TNS3: variants seen among roughly 807,000 people sequenced by gnomAD.
TNS3 encodes tensin 3.
TNS3 carries 45 observed loss-of-function variants against 140.9 expected under a neutral mutation model. The ratio of observed to expected loss-of-function variants is 0.32; its 90% CI spans 0.25 to 0.41. TNS3 has a LOEUF of 0.41. Ranked by LOEUF, TNS3 falls within the 10% of genes least tolerant of loss-of-function variation. The probability of loss-of-function intolerance (pLI) is 1.00; values close to 1 mark genes in which losing one functional copy is unlikely to be tolerated. For synonymous variants in TNS3, 815 were observed against 788.4 expected, an observed-to-expected ratio of 1.03 and a Z score of -0.56; for missense variants, 1,716 against 1,906.7, an observed-to-expected ratio of 0.90 and a Z score of 1.86.
intron 16 of TNS3, among the ~76,000 whole-genome samples, chr7:47,380,697 T>A (rs1428453858): frequency 1.3e-5 from 2 of 151,974 alleles, no homozygotes; most frequent in African/African-American, 4.8e-5. Context: ...TTTGTAGCAT[T>A]ACAGAAGCCA....
rs1398021494 is a variant in TNS3, at chr7:47,506,960, A to AT, written c.-152-17_-152-16insA. On this transcript the variant is annotated splice_polypyrimidine_tract_variant and intron_variant, in intron 2 of 30. Transcript: ENST00000311160. ...TACTTGCAGGCTGGGAAAAAAAAAA[A>AT]GAGAAAGAATGTGTGTCAAGCAGTC... 1.6e-6 allele frequency: 2 copies of AT among 1,286,098 alleles called. No homozygotes were observed. The highest frequency in any genetic ancestry group is 5.6e-5 in the East Asian group (1 of 17,998). 79.7% of individuals were successfully genotyped at this position (1,286,098 alleles called of 1,614,324 possible).
intron 16 of TNS3, among the ~76,000 whole-genome samples, chr7:47,375,856 T>C (rs981213072): frequency 1.3e-5 from 2 of 152,226 alleles, no homozygotes; most frequent in African/African-American, 4.8e-5. Context: ...CCACTGGCCC[T>C]GCTTCCAACA....
At chr7:47,340,228 T>C (rs1210413667) in intron 20 of TNS3, among the ~76,000 whole-genome samples, 1 of 146,108 alleles carries the variant, frequency 6.8e-6, no homozygotes, top group Non-Finnish European at 1.5e-5. Flanking sequence ...GTTCAAGTGA[T>C]TCTCCTGCCT....
At chr7:47,292,361 G>T (rs1289877745) in intron 26 of TNS3, among the ~76,000 whole-genome samples, 2 of 152,124 alleles carry the variant, frequency 1.3e-5, no homozygotes, top group Admixed American at 1.3e-4. Context: ...TAGGAAAGTG[G>T]GACATACGGT....
chr7:47,399,987 CAAAT>C (rs1347270296), intron 15 of TNS3, among the ~76,000 whole-genome samples: 2 of 146,464 alleles, frequency 1.4e-5, no homozygotes, highest in African/African-American at 5.0e-5. Context: ...AAAAAAAAAA[CAAAT>C]AATCCCATCA....
At chr7:47,412,172 G>C (rs1793810693) in intron 12 of TNS3, among the ~76,000 whole-genome samples, 1 of 152,220 alleles carries the variant, frequency 6.6e-6, no homozygotes, top group Non-Finnish European at 1.5e-5. Flanking sequence ...AGAGGGCCCA[G>C]AGCAAACCCA....
At position 47,435,609 on chromosome 7, in the gene TNS3, C is replaced by T. The variant is rs566199260; in HGVS notation, c.202-205G>A. Among the ~76,000 whole-genome samples, 4 of 152,294 alleles carry T rather than the reference C, an allele frequency of 2.6e-5. No homozygotes were observed. In the South Asian group the frequency reaches 6.2e-4, roughly 24 times the overall value. On this transcript the variant is annotated intron_variant, in intron 7 of 30. Transcript: ENST00000311160. The stretch of plus-strand genomic sequence containing the variant: ...AAGCATTATACTGCCCATGTGATGC[C>T]TCTTCTTCCAGGGGCTCATCTGCTC...
intron 16 of TNS3, among the ~76,000 whole-genome samples, chr7:47,386,671 C>T (rs1584535680): frequency 6.6e-6 from 1 of 152,238 alleles, no homozygotes; most frequent in African/African-American, 2.4e-5. Flanking sequence ...GCCTGGCATG[C>T]GTCCCCATCC....
chr7:47,448,476 ATTTT>A (rs71003401), intron 4 of TNS3, among the ~76,000 whole-genome samples: 29,683 of 129,480 alleles, frequency 0.23, 3,237 homozygotes, highest in East Asian at 0.31. Flanking sequence ...TGGGAATTCG[ATTTT>A]TTTTTTTTTT....
intron 4 of TNS3, among the ~76,000 whole-genome samples, chr7:47,471,691 T>C (rs946363768): frequency 6.6e-6 from 1 of 152,328 alleles, no homozygotes; most frequent in South Asian, 2.1e-4. Context: ...CTGAGCAGAA[T>C]GCGGCAGTTT....
chr7:47,472,333 G>C (rs1404699250), intron 4 of TNS3, among the ~76,000 whole-genome samples: 2 of 152,184 alleles, frequency 1.3e-5, no homozygotes, highest in African/African-American at 2.4e-5. Context: ...CCGTGAGAAG[G>C]AGGGAGGCCC....
chr7:47,429,679 C>T (rs554650478), intron 8 of TNS3, among the ~76,000 whole-genome samples: 2 of 152,310 alleles, frequency 1.3e-5, no homozygotes, highest in South Asian at 4.2e-4. Context: ...CCGGCCTAAT[C>T]TGGCTGTTTT....
intron 9 of TNS3, 121 bp downstream of exon 9, chr7:47,428,191 T>C (rs1172645818): frequency 3.2e-6 from 2 of 620,186 alleles, no homozygotes; most frequent in Non-Finnish European, 4.9e-6. Context: ...CACTGGGGAA[T>C]GGGAAACACA....
Position 47,573,844 on chromosome 7 carries a change from A to G in TNS3, c.-265+8207T>C, listed in dbSNP as rs139490768. On this transcript the variant is annotated intron_variant, in intron 1 of 30. Transcript: ENST00000311160. ...AAAAGATGCCAGTAATTCTGGTTCAACATGTTCCAAGGAGGGGAAAACGAC... is the reference window on the plus strand; with the variant it reads ...AAAAGATGCCAGTAATTCTGGTTCAGCATGTTCCAAGGAGGGGAAAACGAC... 8.9e-4 allele frequency among the ~76,000 whole-genome samples: 135 copies of G among 152,346 alleles called. 2 individuals carry two copies. The East Asian group carries it at 0.023, about 26-fold the overall frequency.
chr7:47,428,482 T>A, intron 8 of TNS3, 106 bp from the exon 9 acceptor site: 1 of 835,034 alleles, frequency 1.2e-6, no homozygotes, highest in Non-Finnish European at 1.7e-6. Context: ...AGAGCCTGCT[T>A]TGGTGGTAAG....
intron 4 of TNS3, among the ~76,000 whole-genome samples, chr7:47,465,473 C>T (rs981456392): frequency 1.3e-5 from 2 of 152,282 alleles, no homozygotes; most frequent in African/African-American, 4.8e-5. Flanking sequence ...AGTAGAGACA[C>T]GCGGATCAGA....
chr7:47,522,882 C>G (rs1224461718), intron 2 of TNS3, among the ~76,000 whole-genome samples: 2 of 149,962 alleles, frequency 1.3e-5, no homozygotes, highest in African/African-American at 4.9e-5. Context: ...GAGCTGAGAT[C>G]GCGCCAATGC....
chr7:47,542,871 A>C (rs1421839101), intron 1 of TNS3, among the ~76,000 whole-genome samples: 5 of 149,442 alleles, frequency 3.3e-5, no homozygotes, highest in African/African-American at 1.2e-4. Context: ...CAGAGGTTGC[A>C]GTGAGCCGAG....
intron 6 of TNS3, among the ~76,000 whole-genome samples, chr7:47,437,787 T>C (rs62446322): frequency 9.0e-6 from 1 of 110,746 alleles, no homozygotes; most frequent in Non-Finnish European, 2.1e-5. Context: ...CACACACACG[T>C]ATAAAATATA....
Sources: allele counts gnomAD v4.1 joint callset (sites outside exome capture counted in the v4.1 genomes callset), GRCh38; gene constraint gnomAD v4.1.1; transcripts MANE v1.5; gene names NCBI Gene and HGNC (gene_info 2026-07-23, HGNC 2026-07-21).